TSPYL5: variants seen among roughly 807,000 people sequenced by gnomAD.
The protein encoded by TSPYL5 is testis-specific Y-encoded-like protein 5.
For missense variants in TSPYL5, 556 were observed against 555.5 expected, an observed-to-expected ratio of 1.00 and a Z score of -0.01; for synonymous variants, 276 against 236.1, an observed-to-expected ratio of 1.17 and a Z score of -1.55.
At position 97,276,871 on chromosome 8, in the gene TSPYL5, G is replaced by C. The variant is rs772852031; in HGVS notation, c.974C>G (p.Ser325Cys). 6.2e-7 allele frequency: 1 copy of C among 1,614,172 alleles called. No individual in the cohort carries two copies. Among genetic ancestry groups the C allele is most frequent in the Non-Finnish European group, 8.5e-7 (1 of 1,180,024 alleles). Residue 325 changes from serine to cysteine, a missense_variant, in exon 1 of 1, where the codon TCT becomes TGT. Physicochemically the swap from Ser to Cys is moderately radical, Grantham distance 112. Coordinates refer to ENST00000322128, the MANE Select transcript of TSPYL5 (RefSeq NM_033512.3). Reference sequence around the variant, plus strand: ...CCCTGGGAGCCACTGGATTGGAGTAGAACGAGACACCACCTGGCCAGAAGG... The same window carrying C: ...CCCTGGGAGCCACTGGATTGGAGTACAACGAGACACCACCTGGCCAGAAGG... ...CGPSGQVVSR[S>C]TPIQWLPGHD... is the part of the protein sequence containing the mutation.
At position 97,277,832 on chromosome 8, in the gene TSPYL5, T is replaced by C. The variant is rs1306299206; in HGVS notation, c.13A>G (p.Ser5Gly). 3.4e-6 allele frequency: 5 copies of C among 1,449,784 alleles called. No homozygotes were observed. The highest frequency in any genetic ancestry group is 1.5e-5 in the African/African-American group (1 of 67,844). The allele number at this position is 1,449,784 out of a possible 1,614,324, so 89.8% of individuals were successfully genotyped here. MSGR[S>G]RGRKSSRAKN... ...GCGCGGGAGGACTTTCGACCCCGAC[T>C]TCGGCCGCTCATGGTGGCGGCGGAG... Residue 5 changes from serine to glycine, a missense_variant, in exon 1 of 1, where the codon AGT (serine) becomes GGT (glycine). Physicochemically the swap from Ser to Gly is moderately conservative, Grantham distance 56. Transcript: ENST00000322128. This position sits in a 1 kb window ranked among gnomAD's most constrained non-coding sequence, Gnocchi z 4.5.
chr8:97,277,435 C>CG lies in TSPYL5; in HGVS notation c.409dup (p.Arg137ProfsTer18), dbSNP rs775143186. 1.9e-6 allele frequency: 3 copies of CG among 1,546,178 alleles called. No individual in the cohort carries two copies. Among genetic ancestry groups the CG allele is most frequent in the South Asian group, 1.3e-5 (1 of 78,632 alleles). On this transcript the variant is annotated frameshift_variant, in exon 1 of 1. Transcript: ENST00000322128. LOFTEE classifies it low-confidence loss of function (END_TRUNC). The surrounding 1 kb of genome is among the most constrained non-coding windows in gnomAD (Gnocchi z 4.5). ...GGCAGGGCCACGCCGGTTTCCAACGCGGGGGGCATTTTTCGGCCTTCCCAC... is the reference window on the plus strand; with the variant it reads ...GGCAGGGCCACGCCGGTTTCCAACGCGGGGGGGCATTTTTCGGCCTTCCCAC...
At position 97,277,266 on chromosome 8, in the gene TSPYL5, C is replaced by G; in HGVS notation, c.579G>C (p.Ser193=). The change falls in exon 1 of 1, where the codon TCG becomes TCC. Residue 193 remains serine (S), a synonymous_variant. Coordinates refer to ENST00000322128, the MANE Select transcript of TSPYL5 (RefSeq NM_033512.3). This position sits in a 1 kb window ranked among gnomAD's most constrained non-coding sequence, Gnocchi z 4.5. The stretch of plus-strand genomic sequence containing the variant: ...TGCTGCCTTCCGTCGCTGGGGGCCC[C>G]GACCCTGCATCCCTCTCTTCCTTCT... ...EEKKEERDAG[S]GPPATEGSMD... The G allele has an allele frequency of 1.2e-6, 2 of 1,613,942 alleles. No homozygotes were observed. The highest frequency in any genetic ancestry group is 1.7e-6 in the Non-Finnish European group (2 of 1,179,964).
At position 97,277,889 on chromosome 8, in the gene TSPYL5, C is replaced by T. The variant is rs750645154; in HGVS notation, c.-45G>A. 4 of 1,350,188 alleles carry T rather than the reference C, an allele frequency of 3.0e-6. No homozygotes were observed. In the Admixed American group the frequency reaches 1.4e-4, roughly 46 times the overall value. The allele number at this position is 1,350,188 out of a possible 1,614,324, so 83.6% of individuals were successfully genotyped here. A position where few individuals can be genotyped will look rare whatever the true frequency, so the allele number is the denominator to read the frequency against. ...TCAAAGACACGCTGTGACCCTGCGG[C>T]TCCTGACGCCAGCTCTCGGTCGGGA... is the stretch of plus-strand genomic sequence containing the variant. On this transcript the variant is annotated 5_prime_UTR_variant, in exon 1 of 1. Coordinates refer to ENST00000322128, the MANE Select transcript of TSPYL5 (RefSeq NM_033512.3). This position sits in a 1 kb window ranked among gnomAD's most constrained non-coding sequence, Gnocchi z 4.5.
chr8:97,276,567 G>A lies in TSPYL5; in HGVS notation c.*24C>T, dbSNP rs1810519341. ...GTCAACCAGGAGCAGCCCAGCAGGAGGTAGCAGGGAGACTTGTGCAGGATC... is the reference window on the plus strand; with the variant it reads ...GTCAACCAGGAGCAGCCCAGCAGGAAGTAGCAGGGAGACTTGTGCAGGATC... On this transcript the variant is annotated 3_prime_UTR_variant, in exon 1 of 1. Transcript: ENST00000322128. 3 of 1,599,930 alleles carry A rather than the reference G, an allele frequency of 1.9e-6. No homozygotes were observed. The African/African-American group carries it at 4.0e-5, about 21-fold the overall frequency.
rs1362600126 is a variant in TSPYL5 at position 97,273,673 on chromosome 8, T to C, written c.*2918A>G. 6.6e-6 allele frequency: 1 copy of C among 152,614 alleles called. No individual in the cohort carries two copies. The highest frequency in any genetic ancestry group is 2.4e-5 in the African/African-American group (1 of 41,444). The allele number at this position is 152,614 out of a possible 1,614,324, so 9.5% of individuals were successfully genotyped here. ...ACAGCAACAATTTCCAAATTATTCTTCCAAAACCAGAGTTATGAGACCAGT... is the reference window on the plus strand; with the variant it reads ...ACAGCAACAATTTCCAAATTATTCTCCCAAAACCAGAGTTATGAGACCAGT... On this transcript the variant is annotated 3_prime_UTR_variant, in exon 1 of 1. Transcript: ENST00000322128.
Position 97,277,750 on chromosome 8 carries a change from G to A in TSPYL5, c.95C>T (p.Ala32Val). ...CTGTGAAGGGTCCGGGTCGCGCGGGGCGTCGTCCGGAGCAGGGCGGACTCG... is the reference window on the plus strand; with the variant it reads ...CTGTGAAGGGTCCGGGTCGCGCGGGACGTCGTCCGGAGCAGGGCGGACTCG... Reference protein sequence around the residue: ...KARVRPAPDDAPRDPDPSQYQ... With the variant: ...KARVRPAPDDVPRDPDPSQYQ... The change falls in exon 1 of 1, where the codon GCC (alanine) becomes GTC (valine). Residue 32 changes from alanine to valine, a missense_variant. By Grantham distance (64) the Ala-to-Val change is moderately conservative (BLOSUM62 0). Coordinates refer to ENST00000322128, the MANE Select transcript of TSPYL5 (RefSeq NM_033512.3). The surrounding 1 kb of genome is among the most constrained non-coding windows in gnomAD (Gnocchi z 4.5). 1 of 1,546,186 alleles carries A rather than the reference G, an allele frequency of 6.5e-7. No homozygotes were observed. Among genetic ancestry groups the A allele is most frequent in the Middle Eastern group, 1.7e-4 (1 of 5,906 alleles).
chr8:97,277,920 C>T lies in TSPYL5; in HGVS notation c.-76G>A. 7.7e-7 allele frequency: 1 copy of T among 1,293,274 alleles called. No individual in the cohort carries two copies. Among genetic ancestry groups the T allele is most frequent in the Non-Finnish European group, 9.8e-7 (1 of 1,017,284 alleles). The allele number at this position is 1,293,274 out of a possible 1,614,324, so 80.1% of individuals were successfully genotyped here. ...ACGCCAGCTCTCGGTCGGGACCGAG[C>T]GGGTCTCTCCACGGCAACCGCCGAC... On this transcript the variant is annotated 5_prime_UTR_variant, in exon 1 of 1. Transcript: ENST00000322128. This position sits in a 1 kb window ranked among gnomAD's most constrained non-coding sequence, Gnocchi z 4.5.
rs544706820 is a variant in TSPYL5 at position 97,274,931 on chromosome 8, C to T, written c.*1660G>A. ...TCCATATTGGAGACTAAAGCCCACT[C>T]CTGGGGCTATTTGAGGTAGAAGCAA... On this transcript the variant is annotated 3_prime_UTR_variant, in exon 1 of 1. Coordinates refer to ENST00000322128, the MANE Select transcript of TSPYL5 (RefSeq NM_033512.3). 1 of 152,594 alleles carries T rather than the reference C, an allele frequency of 6.6e-6. No homozygotes were observed. Among genetic ancestry groups the T allele is most frequent in the Non-Finnish European group, 1.5e-5 (1 of 68,048 alleles). The allele number at this position is 152,594 out of a possible 1,614,324, so 9.5% of individuals were successfully genotyped here.
rs573785407 is a variant in TSPYL5 at position 97,275,301 on chromosome 8, T to C, written c.*1290A>G. On this transcript the variant is annotated 3_prime_UTR_variant, in exon 1 of 1. Coordinates refer to ENST00000322128, the MANE Select transcript of TSPYL5 (RefSeq NM_033512.3). ...GTTCTCAGCTACCTCCCCAGCTGTA[T>C]GTAGAAAAATGTGGTTTTTCAGTTG... 1 of 152,060 alleles carries C rather than the reference T, an allele frequency of 6.6e-6. No homozygotes were observed. Among genetic ancestry groups the C allele is most frequent in the South Asian group, 2.1e-4 (1 of 4,780 alleles). The allele number at this position is 152,060 out of a possible 1,614,324, so 9.4% of individuals were successfully genotyped here. A position where few individuals can be genotyped will look rare whatever the true frequency, so the allele number is the denominator to read the frequency against.
In TSPYL5 at chr8:97,276,450, G is replaced by C. The variant is rs1810516190; in HGVS notation, c.*141C>G. 1.8e-6 allele frequency: 2 copies of C among 1,111,020 alleles called. No individual in the cohort carries two copies. Among genetic ancestry groups the C allele is most frequent in the South Asian group, 3.1e-5 (2 of 64,768 alleles). 68.8% of individuals were successfully genotyped at this position (1,111,020 alleles called of 1,614,324 possible). On this transcript the variant is annotated 3_prime_UTR_variant, in exon 1 of 1. Coordinates refer to ENST00000322128, the MANE Select transcript of TSPYL5 (RefSeq NM_033512.3). ...GAGGCTATGGGAGGCAAAAGAACAT[G>C]ATCATAAATGCCATATTCTTGTAAC...
chr8:97,277,429 C>A lies in TSPYL5; in HGVS notation c.416G>T (p.Gly139Val), dbSNP rs1470932371. 46 of 1,551,094 alleles carry A rather than the reference C, an allele frequency of 3.0e-5. No individual in the cohort carries two copies. The highest frequency in any genetic ancestry group is 4.0e-5 in the Non-Finnish European group (46 of 1,153,118). ...CTTCCCGGCAGGGCCACGCCGGTTT[C>A]CAACGCGGGGGGCATTTTTCGGCCT... is the stretch of plus-strand genomic sequence containing the variant. ...VGRPKNAPRV[G>V]NRRGPAGKKA... The change falls in exon 1 of 1, where the codon GGA becomes GTA. Residue 139 changes from glycine to valine, a missense_variant. Transcript: ENST00000322128. This position sits in a 1 kb window ranked among gnomAD's most constrained non-coding sequence, Gnocchi z 4.5.
chr8:97,276,839 G>T lies in TSPYL5; in HGVS notation c.1006C>A (p.Leu336Ile). The change falls in exon 1 of 1, where the codon CTC becomes ATC. Residue 336 changes from leucine to isoleucine, a missense_variant. Coordinates refer to ENST00000322128, the MANE Select transcript of TSPYL5 (RefSeq NM_033512.3). ...GGGTTTCCCTGGCTTAGGGACTGGA[G>T]ATCATGCCCTGGGAGCCACTGGATT... is the stretch of plus-strand genomic sequence containing the variant. ...TPIQWLPGHD[L>I]QSLSQGNPEN... 1 of 1,614,182 alleles carries T rather than the reference G, an allele frequency of 6.2e-7. No homozygotes were observed.
chr8:97,276,688 C>T lies in TSPYL5; in HGVS notation c.1157G>A (p.Gly386Glu). ...NPLQFYLLSE[G>E]ARVEKGKEKE... Reference sequence around the variant, plus strand: ...TTCCTTTCCTTTCTCTACACGAGCCCCTTCACTCAAAAGGTAGAACTGCAA... The same window carrying T: ...TTCCTTTCCTTTCTCTACACGAGCCTCTTCACTCAAAAGGTAGAACTGCAA... Residue 386 changes from glycine to glutamate, a missense_variant, in exon 1 of 1, where the codon GGG (glycine) becomes GAG (glutamate). Coordinates refer to ENST00000322128, the MANE Select transcript of TSPYL5 (RefSeq NM_033512.3). The T allele has an allele frequency of 6.2e-7, 1 of 1,614,180 alleles. No individual in the cohort carries two copies. Among genetic ancestry groups the T allele is most frequent in the Non-Finnish European group, 8.5e-7 (1 of 1,180,036 alleles).
In TSPYL5 at chr8:97,276,578, G is replaced by C. The variant is rs771719499; in HGVS notation, c.*13C>G. 3.7e-6 allele frequency: 6 copies of C among 1,606,046 alleles called. No individual in the cohort carries two copies. In the Admixed American group the frequency reaches 6.8e-5, roughly 18 times the overall value. ...GCAGCCCAGCAGGAGGTAGCAGGGAGACTTGTGCAGGATCAGTTGGATTGG... is the reference window on the plus strand; with the variant it reads ...GCAGCCCAGCAGGAGGTAGCAGGGACACTTGTGCAGGATCAGTTGGATTGG... On this transcript the variant is annotated 3_prime_UTR_variant, in exon 1 of 1. Coordinates refer to ENST00000322128, the MANE Select transcript of TSPYL5 (RefSeq NM_033512.3).
rs144247525 is a variant in TSPYL5 at position 97,276,803 on chromosome 8, G to C, written c.1042C>G (p.Arg348Gly). 6.2e-7 allele frequency: 1 copy of C among 1,614,134 alleles called. No homozygotes were observed. Among genetic ancestry groups the C allele is most frequent in the South Asian group, 1.1e-5 (1 of 91,074 alleles). ...TTTGAAAACCACCCAAAGAAACTACGGTTGTTTTCTGGGTTTCCCTGGCTT... is the reference window on the plus strand; with the variant it reads ...TTTGAAAACCACCCAAAGAAACTACCGTTGTTTTCTGGGTTTCCCTGGCTT... Reference protein sequence around the residue: ...SLSQGNPENNRSFFGWFSNHS... With the variant: ...SLSQGNPENNGSFFGWFSNHS... Residue 348 changes from arginine (R) to glycine (G), a missense_variant, in exon 1 of 1, where the codon CGT (arginine) becomes GGT (glycine). Transcript: ENST00000322128.
At position 97,277,549 on chromosome 8, in the gene TSPYL5, T is replaced by G; in HGVS notation, c.296A>C (p.Gln99Pro). ...LRARAAGDHG[Q>P]AAARPGPGKA... The stretch of plus-strand genomic sequence containing the variant: ...CCCCGGGCCGGGCCTGGCCGCGGCC[T>G]GCCCGTGGTCCCCCGCAGCTCGGGC... Residue 99 changes from glutamine (Q) to proline (P), a missense_variant, in exon 1 of 1, where the codon CAG becomes CCG. Physicochemically the swap from Gln to Pro is moderately conservative, Grantham distance 76 (BLOSUM62 -1). Transcript: ENST00000322128. This position sits in a 1 kb window ranked among gnomAD's most constrained non-coding sequence, Gnocchi z 4.5. 6.8e-7 allele frequency: 1 copy of G among 1,477,552 alleles called. No individual in the cohort carries two copies. The highest frequency in any genetic ancestry group is 8.9e-7 in the Non-Finnish European group (1 of 1,118,032). 91.5% of individuals were successfully genotyped at this position (1,477,552 alleles called of 1,614,324 possible).
rs542808943 is a variant in TSPYL5 at position 97,274,746 on chromosome 8, G to C, written c.*1845C>G. On this transcript the variant is annotated 3_prime_UTR_variant, in exon 1 of 1. Coordinates refer to ENST00000322128, the MANE Select transcript of TSPYL5 (RefSeq NM_033512.3). ...TGAGGCCTCCCTAACAAAAGAGAAGGTAGGGAAGAACAGGTGTAGATACAG... is the reference window on the plus strand; with the variant it reads ...TGAGGCCTCCCTAACAAAAGAGAAGCTAGGGAAGAACAGGTGTAGATACAG... 6.6e-6 allele frequency: 1 copy of C among 152,324 alleles called. No homozygotes were observed. Among genetic ancestry groups the C allele is most frequent in the Admixed American group, 6.5e-5 (1 of 15,306 alleles). The allele number at this position is 152,324 out of a possible 1,614,324, so 9.4% of individuals were successfully genotyped here. A position where few individuals can be genotyped will look rare whatever the true frequency, so the allele number is the denominator to read the frequency against.
In TSPYL5 at chr8:97,277,037, C is replaced by T; in HGVS notation, c.808G>A (p.Glu270Lys). Residue 270 changes from glutamate to lysine, a missense_variant, in exon 1 of 1, where the codon GAG becomes AAG. Transcript: ENST00000322128. The surrounding 1 kb of genome is among the most constrained non-coding windows in gnomAD (Gnocchi z 4.5). ...TTTAAGTAGCTCAGTACCTCTTTCT[C>T]TTGGCTATTCAGAAAGGATGCTAGC... ...PQLASFLNSQ[E>K]KEVLSYLNSL... The T allele has an allele frequency of 6.2e-7, 1 of 1,614,210 alleles. No individual in the cohort carries two copies. Among genetic ancestry groups the T allele is most frequent in the Non-Finnish European group, 8.5e-7 (1 of 1,180,042 alleles).
Sources: allele counts gnomAD v4.1 joint callset, GRCh38; gene constraint gnomAD v4.1.1; non-coding constraint Gnocchi (gnomAD v3.1); transcripts MANE v1.5; gene names NCBI Gene and HGNC (gene_info 2026-07-23, HGNC 2026-07-21).